Variants in GALNT13 observed in about 807,000 individuals in gnomAD.
The protein encoded by GALNT13 is UDP-GalNAc:polypeptide N-acetylgalactosaminyltransferase 13.
A neutral mutation model predicts 64.2 loss-of-function variants in GALNT13; 28 were observed. The observed-to-expected ratio is 0.44, with a 90% confidence interval of 0.32 to 0.60. The LOEUF (loss-of-function observed/expected upper bound fraction) is 0.60. Ranked by LOEUF, GALNT13 falls within the 20% of genes least tolerant of loss-of-function variation. The pLI, the probability that GALNT13 is intolerant of heterozygous loss-of-function variation, is 0.05. For missense variants in GALNT13, 577 were observed against 669.8 expected (o/e 0.86, Z 1.53); for synonymous variants, 214 against 224.6 (o/e 0.95, Z 0.42).
At chr2:153,538,897 G>T in the GALNT13 span, among the ~76,000 whole-genome samples, 1 of 54,500 alleles carries the variant, frequency 1.8e-5, no homozygotes, top group Non-Finnish European at 3.2e-5. Context: ...AGTCCTTTGG[G>T]TATATACCCA....
At chr2:153,352,483 C>G in the GALNT13 span, among the ~76,000 whole-genome samples, 1 of 152,054 alleles carries the variant, frequency 6.6e-6, no homozygotes, top group East Asian at 1.9e-4. Flanking sequence ...AATCCTTTCT[C>G]TCATGGATTA....
chr2:153,366,253 G>T, the GALNT13 span, among the ~76,000 whole-genome samples: 2 of 152,090 alleles, frequency 1.3e-5, no homozygotes, highest in African/African-American at 4.8e-5. Flanking sequence ...GATGGAGGGT[G>T]AGGGGAAGGA....
the GALNT13 span, among the ~76,000 whole-genome samples, chr2:153,828,885 G>C: frequency 1.3e-5 from 2 of 152,130 alleles, no homozygotes; most frequent in Admixed American, 1.3e-4. Context: ...TTGCTGCTCA[G>C]AAACTTCTTC....
chr2:153,093,491 G>A, the GALNT13 span, among the ~76,000 whole-genome samples: 3 of 151,866 alleles, frequency 2.0e-5, no homozygotes, highest in Admixed American at 6.6e-5. Flanking sequence ...CACCCGCCTC[G>A]GCCTCCCAAA....
intron 3 of GALNT13, among the ~76,000 whole-genome samples, chr2:153,953,024 T>C (rs1692306308): frequency 6.6e-6 from 1 of 152,118 alleles, no homozygotes. Context: ...CCCACTCAGA[T>C]TGAGGGTGGG....
chr2:153,794,743 A>G, the GALNT13 span, among the ~76,000 whole-genome samples: 1 of 151,752 alleles, frequency 6.6e-6, no homozygotes, highest in African/African-American at 2.4e-5. Context: ...CTAGTCTCGA[A>G]CTCCTGACAT....
the GALNT13 span, among the ~76,000 whole-genome samples, chr2:153,098,692 G>A: frequency 6.6e-6 from 1 of 152,020 alleles, no homozygotes; most frequent in Non-Finnish European, 1.5e-5. Context: ...CTATTGTATT[G>A]TTGACGAATA....
the GALNT13 span, among the ~76,000 whole-genome samples, chr2:153,726,373 A>T: frequency 6.6e-6 from 1 of 152,092 alleles, no homozygotes; most frequent in Non-Finnish European, 1.5e-5. Context: ...TGGAATCAGT[A>T]CCTTAGGTTA....
the GALNT13 span, among the ~76,000 whole-genome samples, chr2:153,627,776 A>C: frequency 2.6e-5 from 4 of 152,138 alleles, no homozygotes; most frequent in Admixed American, 2.0e-4. Flanking sequence ...GCTTGAAGTC[A>C]GGTAGCGTGA....
chr2:154,164,511 T>G (rs1684913455), intron 4 of GALNT13, among the ~76,000 whole-genome samples: 1 of 152,102 alleles, frequency 6.6e-6, no homozygotes, highest in Non-Finnish European at 1.5e-5. Context: ...ACAGATTTAT[T>G]ACAACACACA....
intron 4 of GALNT13, among the ~76,000 whole-genome samples, chr2:154,202,110 GCT>G (rs1200366529): frequency 6.6e-6 from 1 of 151,948 alleles, no homozygotes; most frequent in Non-Finnish European, 1.5e-5. Flanking sequence ...AGGCAAGGTT[GCT>G]CTCTGTCTAG....
At chr2:153,069,821 CT>C in the GALNT13 span, among the ~76,000 whole-genome samples, 1 of 152,278 alleles carries the variant, frequency 6.6e-6, no homozygotes, top group East Asian at 1.9e-4. Flanking sequence ...CATTTATCTC[CT>C]TTATGTCTCT....
At chr2:153,653,458 G>A in the GALNT13 span, among the ~76,000 whole-genome samples, 1 of 152,136 alleles carries the variant, frequency 6.6e-6, no homozygotes, top group Non-Finnish European at 1.5e-5. Context: ...TCTAAGGATT[G>A]TGCTTGTGTT....
chr2:154,373,741 C>T lies in GALNT13; in HGVS notation c.1157-22250C>T, dbSNP rs78898775. On this transcript the variant is annotated intron_variant, in intron 9 of 12. Transcript: ENST00000392825. ...TTGATTGCAGAATAGTAACAACAAA[C>T]GTTTTCCCATATTGGGCACAAGTCT... Among the ~76,000 whole-genome samples the T allele has an allele frequency of 2.2e-4, 34 of 152,230 alleles. No individual in the cohort carries two copies. In the East Asian group the frequency reaches 6.2e-3, roughly 28 times the overall value.
chr2:153,115,642 T>C, the GALNT13 span, among the ~76,000 whole-genome samples: 1 of 152,210 alleles, frequency 6.6e-6, no homozygotes, highest in South Asian at 2.1e-4. Context: ...TCTGTGTCTA[T>C]CTGTTTTCTG....
intron 9 of GALNT13, among the ~76,000 whole-genome samples, chr2:154,355,731 G>A (rs1349041141): frequency 6.6e-6 from 1 of 152,014 alleles, no homozygotes; most frequent in Non-Finnish European, 1.5e-5. Context: ...TGCATAAAAT[G>A]AGTACTTTCC....
the GALNT13 span, among the ~76,000 whole-genome samples, chr2:153,445,695 A>G: frequency 6.6e-6 from 1 of 152,286 alleles, no homozygotes; most frequent in Admixed American, 6.5e-5. Flanking sequence ...ATTTTTTAAT[A>G]TACAAATTCA....
chr2:153,860,996 G>A, the GALNT13 span, among the ~76,000 whole-genome samples: 1 of 152,180 alleles, frequency 6.6e-6, no homozygotes, highest in East Asian at 1.9e-4. Flanking sequence ...AGCAGTGAGA[G>A]CAGTGATATG....
At chr2:153,978,064 G>A (rs1694196562) in intron 3 of GALNT13, among the ~76,000 whole-genome samples, 1 of 151,998 alleles carries the variant, frequency 6.6e-6, no homozygotes, top group Non-Finnish European at 1.5e-5. Context: ...CAAAAATGTT[G>A]TTTCATTAAT....
Sources: allele counts gnomAD v4.1 joint callset (sites outside exome capture counted in the v4.1 genomes callset), GRCh38; gene constraint gnomAD v4.1.1; transcripts MANE v1.5; gene names NCBI Gene and HGNC (gene_info 2026-07-23, HGNC 2026-07-21).